Variants in NAV2 observed in about 807,000 individuals in gnomAD.
The protein encoded by NAV2 is neuron navigator 2.
NAV2 carries 54 observed loss-of-function variants against 223.2 expected under a neutral mutation model. That is an observed-to-expected ratio of 0.24 (90% CI 0.19 to 0.30). The LOEUF is 0.30. Ranked by LOEUF, NAV2 falls within the 10% of genes least tolerant of loss-of-function variation. The probability of loss-of-function intolerance (pLI) is 1.00; values close to 1 mark genes in which losing one functional copy is unlikely to be tolerated. For synonymous variants in NAV2, 1,279 were observed against 1,239.3 expected, an observed-to-expected ratio of 1.03 and a Z score of -0.67; for missense variants, 2,806 against 3,147.5, an observed-to-expected ratio of 0.89 and a Z score of 2.60.
At chr11:19,624,793 A>T (rs951788396) in intron 1 of NAV2, among the ~76,000 whole-genome samples, 1 of 152,176 alleles carries the variant, frequency 6.6e-6, no homozygotes, top group African/African-American at 2.4e-5. Context: ...CCCCAGTGAG[A>T]TGAACCCGGT....
At chr11:19,432,428 G>A (rs1851069141) in intron 1 of NAV2, among the ~76,000 whole-genome samples, 1 of 152,200 alleles carries the variant, frequency 6.6e-6, no homozygotes, top group African/African-American at 2.4e-5. Context: ...AGTTGGTGGT[G>A]ATTAAGGGAA....
chr11:19,552,418 G>A (rs971755754), intron 1 of NAV2, among the ~76,000 whole-genome samples: 14 of 152,232 alleles, frequency 9.2e-5, no homozygotes, highest in Non-Finnish European at 1.8e-4. Context: ...TTGTTCCATC[G>A]GGGCTCAGGG....
intron 1 of NAV2, among the ~76,000 whole-genome samples, chr11:19,626,259 T>G (rs2047166064): frequency 6.6e-6 from 1 of 152,210 alleles, no homozygotes; most frequent in African/African-American, 2.4e-5. Context: ...TATCCAGTTT[T>G]CCCAACACCA....
At chr11:19,808,396 G>A (rs2058687429) in intron 1 of NAV2, among the ~76,000 whole-genome samples, 1 of 152,192 alleles carries the variant, frequency 6.6e-6, no homozygotes, top group Non-Finnish European at 1.5e-5. Flanking sequence ...GGTCACAAGA[G>A]CTAACTGAAT....
intron 31 of NAV2, 66 bp from the exon 32 acceptor site, chr11:20,100,871 T>G (rs954436526): frequency 7.1e-7 from 1 of 1,404,042 alleles, no homozygotes; most frequent in Admixed American, 1.7e-5. Context: ...CAGTCCCAGT[T>G]AGGCAAGCAC....
chr11:19,906,808 G>T (rs145234776), intron 6 of NAV2, among the ~76,000 whole-genome samples: 2 of 152,126 alleles, frequency 1.3e-5, no homozygotes, highest in East Asian at 1.9e-4. Context: ...GTAGAACTCC[G>T]CAAAACAGGT....
intron 1 of NAV2, among the ~76,000 whole-genome samples, chr11:19,626,856 A>G (rs960107883): frequency 2.0e-5 from 3 of 152,206 alleles, no homozygotes; most frequent in African/African-American, 7.2e-5. Flanking sequence ...GTGTGTCCCT[A>G]GGAAAGTGAC....
At chr11:19,484,336 C>G (rs1297240872) in intron 1 of NAV2, among the ~76,000 whole-genome samples, 1 of 152,230 alleles carries the variant, frequency 6.6e-6, no homozygotes, top group Admixed American at 6.5e-5. Flanking sequence ...TCTCTGATGA[C>G]AGGGAGGTCA....
At chr11:19,795,640 A>G (rs1270769046) in intron 1 of NAV2, among the ~76,000 whole-genome samples, 1 of 152,238 alleles carries the variant, frequency 6.6e-6, no homozygotes, top group Non-Finnish European at 1.5e-5. Context: ...GATCAGAGAG[A>G]AAGGAAGACA....
rs116192560 is a variant in NAV2 at position 19,765,150 on chromosome 11, C to A, written c.267+51188C>A. Among the ~76,000 whole-genome samples the A allele has an allele frequency of 5.5e-3, 834 of 152,280 alleles. 6 individuals are homozygous for A. The highest frequency in any genetic ancestry group is 0.019 in the African/African-American group (776 of 41,554). On this transcript the variant is annotated intron_variant, in intron 1 of 37. Coordinates refer to ENST00000349880, the MANE Select transcript of NAV2 (RefSeq NM_145117.5). ...GTTCCACTTGTTTGCTTAGGACCCT[C>A]CAGTGACTTTTATTTCCAGTGACTT... is the stretch of plus-strand genomic sequence containing the variant.
At chr11:19,484,536 C>T (rs901694448) in intron 1 of NAV2, among the ~76,000 whole-genome samples, 2 of 152,256 alleles carry the variant, frequency 1.3e-5, no homozygotes, top group Admixed American at 6.5e-5. Context: ...ACCTTGAGGT[C>T]CATTCTCCTA....
intron 1 of NAV2, among the ~76,000 whole-genome samples, chr11:19,605,125 T>C (rs2046443454): frequency 6.6e-6 from 1 of 152,218 alleles, no homozygotes; most frequent in Non-Finnish European, 1.5e-5. Context: ...CACACAGCCT[T>C]TGTCCAGGGC....
At chr11:19,593,067 C>A (rs1022232177) in intron 1 of NAV2, among the ~76,000 whole-genome samples, 1 of 152,144 alleles carries the variant, frequency 6.6e-6, no homozygotes, top group African/African-American at 2.4e-5. Context: ...ACAATCACCA[C>A]CGCAATCAAG....
At chr11:19,698,330 C>T (rs148981247) in intron 1 of NAV2, among the ~76,000 whole-genome samples, 88 of 152,294 alleles carry the variant, frequency 5.8e-4, no homozygotes, top group South Asian at 2.9e-3. Context: ...GTGTCGGAGG[C>T]CCTCAGTAAA....
At chr11:19,361,476 C>A (rs2202233) in intron 1 of NAV2, among the ~76,000 whole-genome samples, 142,913 of 151,950 alleles carry the variant, frequency 0.94, 67,833 homozygotes, top group East Asian at 1. Context: ...CTTTTGTGGG[C>A]ATTTGGTATC....
intron 1 of NAV2, among the ~76,000 whole-genome samples, chr11:19,530,808 A>T (rs1473683720): frequency 1.3e-5 from 2 of 152,252 alleles, no homozygotes; most frequent in African/African-American, 4.8e-5. Flanking sequence ...GGTCGGCCTA[A>T]TTCTTCCAAT....
At chr11:19,682,121 A>G (rs984346415) in intron 1 of NAV2, among the ~76,000 whole-genome samples, 2 of 152,072 alleles carry the variant, frequency 1.3e-5, no homozygotes, top group Non-Finnish European at 2.9e-5. Context: ...CACCTTACCC[A>G]CATACAACAT....
chr11:19,859,809 G>A (rs1233748179), intron 3 of NAV2, among the ~76,000 whole-genome samples: 21 of 140,776 alleles, frequency 1.5e-4, no homozygotes, highest in Middle Eastern at 4.2e-3. Flanking sequence ...GCGGCTGGCC[G>A]GGCGGGGGGC....
intron 12 of NAV2, among the ~76,000 whole-genome samples, chr11:20,039,492 T>G (rs1564901575): frequency 6.6e-6 from 1 of 152,192 alleles, no homozygotes; most frequent in African/African-American, 2.4e-5. Context: ...GGGTTAACTG[T>G]TCCTCTGCCT....
Sources: allele counts gnomAD v4.1 joint callset (sites outside exome capture counted in the v4.1 genomes callset), GRCh38; gene constraint gnomAD v4.1.1; transcripts MANE v1.5; gene names NCBI Gene and HGNC (gene_info 2026-07-23, HGNC 2026-07-21).